Variants in IKBKE observed in about 807,000 individuals in gnomAD.
IKBKE encodes inhibitor of nuclear factor kappa B kinase subunit epsilon.
IKBKE carries 45 observed loss-of-function variants against 92.1 expected under a neutral mutation model. The observed-to-expected ratio is 0.49, with a 90% CI of 0.38 to 0.63. The LOEUF (loss-of-function observed/expected upper bound fraction) is 0.63, where lower values mean the gene tolerates loss of function less well. IKBKE is among the 20% of genes least tolerant of loss of function. The pLI, the probability that IKBKE is intolerant of heterozygous loss-of-function variation, is 0.00. For missense variants in IKBKE, 700 were observed against 932.8 expected (o/e 0.75, Z 3.25); for synonymous variants, 374 against 380.3 (o/e 0.98, Z 0.19).
chr1:206,481,811 G>A (rs1179030351), intron 13 of IKBKE, among the ~76,000 whole-genome samples: 2 of 117,318 alleles, frequency 1.7e-5, no homozygotes, highest in African/African-American at 3.4e-5. Context: ...ACGGAGCCTC[G>A]CTCTGTCGCC....
In IKBKE at chr1:206,493,126, A is replaced by G. The variant is rs1553391076; in HGVS notation, c.1932+7A>G. 1 of 1,587,834 alleles carries G rather than the reference A, an allele frequency of 6.3e-7. No homozygotes were observed. The highest frequency in any genetic ancestry group is 8.6e-7 in the Non-Finnish European group (1 of 1,167,970). ...CCAGGAGAGTCTCAGCAAGGTGGGC[A>G]TGGCAGAAGGATTCTAGGTGCTCTG... On this transcript the variant is annotated splice_region_variant and intron_variant, in intron 19 of 21. Transcript: ENST00000581977.
intron 16 of IKBKE, among the ~76,000 whole-genome samples, chr1:206,488,610 G>A (rs1474798030): frequency 1.3e-5 from 2 of 152,096 alleles, no homozygotes; most frequent in East Asian, 3.9e-4. Context: ...GGGTTGGAGG[G>A]AGCCTGCGGA....
At chr1:206,494,592 C>CTGTTTTTTTT (rs1666126121) in intron 21 of IKBKE, among the ~76,000 whole-genome samples, 2 of 63,900 alleles carry the variant, frequency 3.1e-5, no homozygotes, top group Non-Finnish European at 6.0e-5. Context: ...AAAGTTCTTT[C>CTGTTTTTTTT]TTTTTTTTTT....
Position 206,493,911 on chromosome 1 carries a change from C to G in IKBKE, c.2046-9C>G. Reference sequence around the variant, plus strand: ...CCTCAGCCGCCTCTCCTGCCTCTGCCTTGGGCAGCATGCAAGAGCTCTGCG... The same window carrying G: ...CCTCAGCCGCCTCTCCTGCCTCTGCGTTGGGCAGCATGCAAGAGCTCTGCG... On this transcript the variant is annotated splice_polypyrimidine_tract_variant and intron_variant, in intron 20 of 21. Transcript: ENST00000581977. The G allele has an allele frequency of 1.2e-6, 2 of 1,613,778 alleles. No homozygotes were observed. Among genetic ancestry groups the G allele is most frequent in the Non-Finnish European group, 1.7e-6 (2 of 1,179,808 alleles).
At chr1:206,471,786 G>C (rs1664789338) in intron 2 of IKBKE, among the ~76,000 whole-genome samples, 1 of 152,172 alleles carries the variant, frequency 6.6e-6, no homozygotes, top group Admixed American at 6.5e-5. Context: ...AGGGGCCTCT[G>C]GCTCAATGAA....
chr1:206,476,795 C>A lies in IKBKE; in HGVS notation c.658C>A (p.Pro220Thr). ...GTACCATGCAGCCACTGGCAGCCTG[C>A]CCTTCATCCCCTTTGGTGGGCCACG... is the stretch of plus-strand genomic sequence containing the variant. ...TLYHAATGSL[P>T]FIPFGGPRRN... is the part of the protein sequence containing the mutation. The change falls in exon 7 of 22, where the codon CCC (proline) becomes ACC (threonine). Residue 220 changes from proline to threonine, a missense_variant. Pro to Thr is a conservative substitution (Grantham distance 38). Coordinates refer to ENST00000581977, the MANE Select transcript of IKBKE (RefSeq NM_014002.4). This position sits in a 1 kb window ranked among gnomAD's most constrained non-coding sequence, Gnocchi z 5.1. 1.2e-6 allele frequency: 2 copies of A among 1,614,240 alleles called. No homozygotes were observed. The highest frequency in any genetic ancestry group is 2.2e-5 in the East Asian group (1 of 44,874).
intron 2 of IKBKE, among the ~76,000 whole-genome samples, chr1:206,472,678 T>G (rs538305552): frequency 6.6e-6 from 1 of 151,898 alleles, no homozygotes; most frequent in African/African-American, 2.4e-5. Flanking sequence ...CAGCAGGAAG[T>G]GGTGGGCCTG....
intron 13 of IKBKE, among the ~76,000 whole-genome samples, chr1:206,484,363 C>T (rs1384648453): frequency 2.6e-5 from 4 of 152,046 alleles, no homozygotes; most frequent in Non-Finnish European, 5.9e-5. Flanking sequence ...TTGATGATGC[C>T]GGGTATTGTA....
chr1:206,475,068 G>A, intron 5 of IKBKE, 74 bp downstream of exon 5: 2 of 1,466,612 alleles, frequency 1.4e-6, no homozygotes, highest in Non-Finnish European at 9.4e-7. Flanking sequence ...CAGGACTCAG[G>A]TGTCTGACTC....
chr1:206,479,244 C>A, intron 10 of IKBKE, 111 bp downstream of exon 10: 1 of 884,970 alleles, frequency 1.1e-6, no homozygotes, highest in East Asian at 2.7e-5. Context: ...TTCTTTGGGG[C>A]CACAGGGAGC....
At chr1:206,491,830 G>A (rs1297450932) in intron 18 of IKBKE, 81 bp downstream of exon 18, 1 of 998,444 alleles carries the variant, frequency 1.0e-6, no homozygotes. Context: ...GCTTTGTGGA[G>A]CCCTGAGGCA....
intron 18 of IKBKE, chr1:206,492,625 C>T (rs527899357): frequency 8.4e-6 from 4 of 477,182 alleles, no homozygotes; most frequent in African/African-American, 7.9e-5. Context: ...CTTCACTCCA[C>T]TTAGAGATAG....
At position 206,493,157 on chromosome 1, in the gene IKBKE, G is replaced by A. The variant is rs782445479; in HGVS notation, c.1932+38G>A. On this transcript the variant is annotated intron_variant, in intron 19 of 21. Coordinates refer to ENST00000581977, the MANE Select transcript of IKBKE (RefSeq NM_014002.4). ...GAAGGATTCTAGGTGCTCTGGGGAT[G>A]CAGGCTGGGGCGCTTGTTACCCATG... 3 of 1,564,368 alleles carry A rather than the reference G, an allele frequency of 1.9e-6. 1 individual carries two copies. In the South Asian group the frequency reaches 3.5e-5, roughly 18 times the overall value.
At chr1:206,472,334 A>G (rs1332653029) in intron 2 of IKBKE, among the ~76,000 whole-genome samples, 1 of 152,196 alleles carries the variant, frequency 6.6e-6, no homozygotes, top group Non-Finnish European at 1.5e-5. Context: ...TATCCCAAAA[A>G]GGCCAGCACT....
Position 206,476,565 on chromosome 1 carries a change from G to C in IKBKE, c.541-113G>C, listed in dbSNP as rs1212162396. 1 of 1,308,506 alleles carries C rather than the reference G, an allele frequency of 7.6e-7. No homozygotes were observed. The highest frequency in any genetic ancestry group is 1.5e-5 in the African/African-American group (1 of 68,010). The allele number at this position is 1,308,506 out of a possible 1,614,324, so 81.1% of individuals were successfully genotyped here. ...TGACACCCATTTTTAAGATGACAAA[G>C]AAGGATTTGAACAGTTCTGTTTTCA... is the stretch of plus-strand genomic sequence containing the variant. On this transcript the variant is annotated intron_variant, in intron 6 of 21. Transcript: ENST00000581977. This position sits in a 1 kb window ranked among gnomAD's most constrained non-coding sequence, Gnocchi z 5.1.
Position 206,487,837 on chromosome 1 carries a change from C to A in IKBKE, c.1617-77C>A. On this transcript the variant is annotated intron_variant, in intron 15 of 21. Transcript: ENST00000581977. The surrounding 1 kb of genome is among the most constrained non-coding windows in gnomAD (Gnocchi z 5.3). ...GTGAGGCTCCTCCCCTATTCCACTG[C>A]CACCCTTCCCCTCCCTCCCTCTTTC... 8.3e-7 allele frequency: 1 copy of A among 1,198,834 alleles called. No individual in the cohort carries two copies. The highest frequency in any genetic ancestry group is 1.2e-6 in the Non-Finnish European group (1 of 824,316). The allele number at this position is 1,198,834 out of a possible 1,614,324, so 74.3% of individuals were successfully genotyped here. A position where few individuals can be genotyped will look rare whatever the true frequency, so the allele number is the denominator to read the frequency against.
At position 206,476,444 on chromosome 1, in the gene IKBKE, G is replaced by T. The variant is rs1665068259; in HGVS notation, c.540+82G>T. On this transcript the variant is annotated intron_variant, in intron 6 of 21. Transcript: ENST00000581977. This position sits in a 1 kb window ranked among gnomAD's most constrained non-coding sequence, Gnocchi z 5.1. The stretch of plus-strand genomic sequence containing the variant: ...AGCCCCCCAGAGCCCCCATGAGGGG[G>T]TGTGGCCCACCTCCTGCTTCCACAG... 9.9e-6 allele frequency: 14 copies of T among 1,420,166 alleles called. No homozygotes were observed. In the South Asian group the frequency reaches 1.3e-4, roughly 13 times the overall value. The allele number at this position is 1,420,166 out of a possible 1,614,324, so 88.0% of individuals were successfully genotyped here.
intron 21 of IKBKE, among the ~76,000 whole-genome samples, chr1:206,494,611 T>TC (rs1280555367): frequency 2.2e-5 from 3 of 133,500 alleles, no homozygotes; most frequent in Non-Finnish European, 4.8e-5. Flanking sequence ...TTTTTTTTTT[T>TC]TTTTTTTTTT....
intron 4 of IKBKE, 135 bp downstream of exon 4, chr1:206,474,606 G>A: frequency 1.0e-6 from 1 of 958,520 alleles, no homozygotes; most frequent in South Asian, 1.7e-5. Context: ...TTGCAGAAGG[G>A]AGCAAAGGGG....
Sources: gnomAD v4.1 joint callset for allele counts (sites outside exome capture counted in the v4.1 genomes callset) on GRCh38, gnomAD v4.1.1 for gene constraint, Gnocchi (gnomAD v3.1) non-coding constraint, MANE v1.5 for transcripts, NCBI Gene and HGNC (gene_info 2026-07-23, HGNC 2026-07-21) for gene names.